Variants in AGAP1 observed in about 807,000 individuals in gnomAD.
AGAP1 encodes arf-GAP with GTPase, ANK repeat and PH domain-containing protein 1.
Under a neutral mutation model 105.3 loss-of-function variants are expected in AGAP1, and 29 were observed. The observed-to-expected ratio is 0.28, with a 90% CI of 0.21 to 0.38. AGAP1 has a LOEUF of 0.38. Among genes scored for constraint, AGAP1 ranks in the 10% least tolerant of loss-of-function variants. The pLI is 1.00. For missense variants in AGAP1, 998 were observed against 1,165.1 expected, an observed-to-expected ratio of 0.86 and a Z score of 2.09; for synonymous variants, 509 against 485.9, an observed-to-expected ratio of 1.05 and a Z score of -0.63.
At chr2:235,790,503 A>G (rs1956909035) in intron 6 of AGAP1, among the ~76,000 whole-genome samples, 1 of 152,192 alleles carries the variant, frequency 6.6e-6, no homozygotes, top group African/African-American at 2.4e-5. Context: ...GTGTCCAGGT[A>G]GAAATGACCT....
rs57986660 is a variant in AGAP1, at chr2:235,753,848, T to C, written c.673+3360T>C. On this transcript the variant is annotated intron_variant, in intron 6 of 17. Coordinates refer to ENST00000304032, the MANE Select transcript of AGAP1 (RefSeq NM_001037131.3). The surrounding 1 kb of genome is among the most constrained non-coding windows in gnomAD (Gnocchi z 4.5). ...TTTTAAAATAAAATCAGTTACTTTG[T>C]ATATTTTATATCATAGTTATATGGT... Among the ~76,000 whole-genome samples, 5,378 of 152,302 alleles carry C rather than the reference T, an allele frequency of 0.035. 284 individuals are homozygous for C. Among genetic ancestry groups the C allele is most frequent in the African/African-American group, 0.12 (4,834 of 41,540 alleles).
In AGAP1 at chr2:235,934,754, G is replaced by A. The variant is rs1331033754; in HGVS notation, c.1483+3831G>A. ...ATTTCAGAGTCGCTTACTCTGTGCT[G>A]GCAGCAGGAATGAATGGGGAGAGCC... On this transcript the variant is annotated intron_variant, in intron 12 of 17. Coordinates refer to ENST00000304032, the MANE Select transcript of AGAP1 (RefSeq NM_001037131.3). The surrounding 1 kb of genome is among the most constrained non-coding windows in gnomAD (Gnocchi z 4.9). 6.6e-6 allele frequency among the ~76,000 whole-genome samples: 1 copy of A among 151,892 alleles called. No individual in the cohort carries two copies. The highest frequency in any genetic ancestry group is 6.6e-5 in the Admixed American group (1 of 15,246).
intron 1 of AGAP1, among the ~76,000 whole-genome samples, chr2:235,617,314 G>A (rs1216469179): frequency 2.0e-5 from 3 of 152,136 alleles, no homozygotes; most frequent in Non-Finnish European, 4.4e-5. Context: ...TCTTGAAAAC[G>A]TTTTTGATTT....
rs1051230053 is a variant in AGAP1 at position 236,003,201 on chromosome 2, C to T, written c.1646-33360C>T. 5.3e-5 allele frequency among the ~76,000 whole-genome samples: 8 copies of T among 152,100 alleles called. No individual in the cohort carries two copies. The highest frequency in any genetic ancestry group is 1.9e-4 in the African/African-American group (8 of 41,408). ...CTGGGACTACAGGCACATGCCGCCACGCCCAGCTAATTTTTGTATTTTTAG... is the reference window on the plus strand; with the variant it reads ...CTGGGACTACAGGCACATGCCGCCATGCCCAGCTAATTTTTGTATTTTTAG... On this transcript the variant is annotated intron_variant, in intron 13 of 17. Coordinates refer to ENST00000304032, the MANE Select transcript of AGAP1 (RefSeq NM_001037131.3). The surrounding 1 kb of genome is among the most constrained non-coding windows in gnomAD (Gnocchi z 4.2).
In AGAP1 at chr2:235,927,244, A is replaced by G. The variant is rs2052495972; in HGVS notation, c.1325-3521A>G. 6.6e-6 allele frequency among the ~76,000 whole-genome samples: 1 copy of G among 152,120 alleles called. No homozygotes were observed. ...GTGGATAGCTGGTCTGGTGTCTTCCATCTGGACACCAGGAGCATGTGGTCT... is the reference window on the plus strand; with the variant it reads ...GTGGATAGCTGGTCTGGTGTCTTCCGTCTGGACACCAGGAGCATGTGGTCT... On this transcript the variant is annotated intron_variant, in intron 11 of 17. Coordinates refer to ENST00000304032, the MANE Select transcript of AGAP1 (RefSeq NM_001037131.3). The surrounding 1 kb of genome is among the most constrained non-coding windows in gnomAD (Gnocchi z 4.4).
rs1335346798 is a variant in AGAP1, at chr2:235,971,401, A to C, written c.1645+2778A>C. On this transcript the variant is annotated intron_variant, in intron 13 of 17. Coordinates refer to ENST00000304032, the MANE Select transcript of AGAP1 (RefSeq NM_001037131.3). This position sits in a 1 kb window ranked among gnomAD's most constrained non-coding sequence, Gnocchi z 4.8. ...GAAAGTACATTGTGTAAAACACCCA[A>C]ATTAAACATTCTGTTCTGGCCGGGC... Among the ~76,000 whole-genome samples the C allele has an allele frequency of 1.6e-4, 25 of 152,208 alleles. No individual in the cohort carries two copies. The highest frequency in any genetic ancestry group is 1.6e-3 in the Admixed American group (24 of 15,278).
intron 16 of AGAP1, among the ~76,000 whole-genome samples, chr2:236,091,730 C>T (rs2059065527): frequency 6.6e-6 from 1 of 152,194 alleles, no homozygotes. Context: ...TGGGATCATG[C>T]CACTGAACTC....
chr2:235,649,358 A>T (rs931538453), intron 1 of AGAP1, among the ~76,000 whole-genome samples: 6 of 152,170 alleles, frequency 3.9e-5, no homozygotes, highest in African/African-American at 1.4e-4. Flanking sequence ...CCTTGAGACT[A>T]TGCAGTTTTA....
chr2:236,068,899 C>CA (rs1296889496), intron 16 of AGAP1, among the ~76,000 whole-genome samples: 1 of 150,556 alleles, frequency 6.6e-6, no homozygotes, highest in Admixed American at 6.6e-5. Context: ...GAGGCCAAGG[C>CA]AGGCGGATCA....
rs974646232 is a variant in AGAP1, at chr2:235,724,826, T to G, written c.310+7182T>G. Among the ~76,000 whole-genome samples the G allele has an allele frequency of 5.9e-5, 9 of 152,194 alleles. No homozygotes were observed. The highest frequency in any genetic ancestry group is 1.2e-4 in the Non-Finnish European group (8 of 68,036). ...TCATAGGAAATTCTCAAACATACTTTTGCTTTGTGCCTGGGAAGCAGGAAA... is the reference window on the plus strand; with the variant it reads ...TCATAGGAAATTCTCAAACATACTTGTGCTTTGTGCCTGGGAAGCAGGAAA... On this transcript the variant is annotated intron_variant, in intron 3 of 17. Coordinates refer to ENST00000304032, the MANE Select transcript of AGAP1 (RefSeq NM_001037131.3). This position sits in a 1 kb window ranked among gnomAD's most constrained non-coding sequence, Gnocchi z 4.9.
chr2:235,698,555 C>A (rs1950107792), intron 1 of AGAP1, among the ~76,000 whole-genome samples: 1 of 152,204 alleles, frequency 6.6e-6, no homozygotes, highest in Non-Finnish European at 1.5e-5. Context: ...TCAGCAGTTT[C>A]ATTTTAGGTG....
At chr2:235,803,997 T>C (rs1957712617) in intron 8 of AGAP1, among the ~76,000 whole-genome samples, 1 of 152,206 alleles carries the variant, frequency 6.6e-6, no homozygotes, top group African/African-American at 2.4e-5. Context: ...TAGAAAAATT[T>C]TTCAAACATA....
intron 6 of AGAP1, among the ~76,000 whole-genome samples, chr2:235,764,714 C>T (rs1280015347): frequency 3.4e-5 from 4 of 118,618 alleles, no homozygotes; most frequent in Admixed American, 1.6e-4. Flanking sequence ...CATCTGGGAG[C>T]GCCCGTGGGG....
chr2:235,831,239 G>A (rs1426437937), intron 9 of AGAP1, among the ~76,000 whole-genome samples: 7 of 149,450 alleles, frequency 4.7e-5, no homozygotes, highest in African/African-American at 7.6e-5. Flanking sequence ...TTTAGGTCAC[G>A]GCAAAGTTGA....
intron 13 of AGAP1, among the ~76,000 whole-genome samples, chr2:236,026,503 C>T (rs375149351): frequency 6.6e-6 from 1 of 152,142 alleles, no homozygotes; most frequent in Admixed American, 6.5e-5. Flanking sequence ...CTGAGGCAGG[C>T]ACATCACCTG....
intron 1 of AGAP1, among the ~76,000 whole-genome samples, chr2:235,524,139 T>C (rs1942737472): frequency 2.0e-5 from 3 of 152,200 alleles, no homozygotes; most frequent in African/African-American, 7.2e-5. Flanking sequence ...ATGTGTATTC[T>C]TACCACGGGC....
intron 4 of AGAP1, among the ~76,000 whole-genome samples, chr2:235,742,080 G>A (rs1952625863): frequency 6.6e-6 from 1 of 152,222 alleles, no homozygotes; most frequent in Non-Finnish European, 1.5e-5. Flanking sequence ...GGAGCCGAGA[G>A]CTGGTAACGG....
Position 235,905,310 on chromosome 2 carries a change from T to C in AGAP1, c.1156-3428T>C, listed in dbSNP as rs2051252230. 6.6e-6 allele frequency among the ~76,000 whole-genome samples: 1 copy of C among 152,188 alleles called. No homozygotes were observed. The highest frequency in any genetic ancestry group is 1.5e-5 in the Non-Finnish European group (1 of 68,030). ...CATTAAGGAAGAAAGTTATAGCAAG[T>C]TGATATTTTTAAAGGAGTAACTGTG... On this transcript the variant is annotated intron_variant, in intron 10 of 17. Coordinates refer to ENST00000304032, the MANE Select transcript of AGAP1 (RefSeq NM_001037131.3). This position sits in a 1 kb window ranked among gnomAD's most constrained non-coding sequence, Gnocchi z 4.2.
At chr2:235,772,510 G>A (rs1263012054) in intron 6 of AGAP1, among the ~76,000 whole-genome samples, 1 of 152,206 alleles carries the variant, frequency 6.6e-6, no homozygotes, top group Non-Finnish European at 1.5e-5. Flanking sequence ...TGTAGGTTAT[G>A]GCTTGTGGAT....
Sources: allele counts gnomAD v4.1 joint callset (sites outside exome capture counted in the v4.1 genomes callset), GRCh38; gene constraint gnomAD v4.1.1; non-coding constraint Gnocchi (gnomAD v3.1); transcripts MANE v1.5; gene names NCBI Gene and HGNC (gene_info 2026-07-23, HGNC 2026-07-21).